The following ZBTB20 variants were observed in gnomAD, a reference collection of about 807,000 sequenced individuals.
ZBTB20 encodes the protein zinc finger and BTB domain-containing protein 20.
A neutral mutation model predicts 56.9 loss-of-function variants in ZBTB20; 9 were observed. The ratio of observed to expected loss-of-function variants is 0.16; its 90% CI spans 0.10 to 0.28. ZBTB20 has a LOEUF of 0.28. Among genes scored for constraint, ZBTB20 ranks in the 10% least tolerant of loss-of-function variants. ZBTB20 has a pLI of 1.00. For missense variants in ZBTB20, 655 were observed against 1,003.0 expected (o/e 0.65, Z 4.69); for synonymous variants, 417 against 420.7 (o/e 0.99, Z 0.11).
chr3:114,565,826 C>T (rs1202534850), intron 6 of ZBTB20, among the ~76,000 whole-genome samples: 1 of 152,072 alleles, frequency 6.6e-6, no homozygotes, highest in Non-Finnish European at 1.5e-5. Flanking sequence ...TCTTAGTTCT[C>T]ATATCCAGTA....
Position 114,332,840 on chromosome 3 carries a change from C to T in ZBTB20, c.*6165G>A, listed in dbSNP as rs2108051411. 6.6e-6 allele frequency: 1 copy of T among 152,330 alleles called. No homozygotes were observed. The highest frequency in any genetic ancestry group is 1.9e-4 in the East Asian group (1 of 5,190). 9.4% of individuals were successfully genotyped at this position (152,330 alleles called of 1,614,324 possible). A position where few individuals can be genotyped will look rare whatever the true frequency, so the allele number is the denominator to read the frequency against. On this transcript the variant is annotated 3_prime_UTR_variant, in exon 12 of 12. Transcript: ENST00000675478. ...AGGTGGAGCCTAAAGAAACCACTGG[C>T]AGGTGTTTTAGTCAGTGGTGTGGAA...
At chr3:114,525,163 T>C (rs2047075324) in intron 6 of ZBTB20, among the ~76,000 whole-genome samples, 1 of 151,748 alleles carries the variant, frequency 6.6e-6, no homozygotes, top group African/African-American at 2.4e-5. Context: ...CTTTTTTTGT[T>C]GGGGGGGGTG....
intron 1 of ZBTB20, among the ~76,000 whole-genome samples, chr3:115,113,921 T>G (rs908888538): frequency 2.0e-4 from 31 of 152,104 alleles, no homozygotes; most frequent in Admixed American, 1.3e-4. Flanking sequence ...TGGATTGAAG[T>G]TCCTCTTTTC....
intron 3 of ZBTB20, chr3:114,931,275 A>G (rs2107805386): frequency 5.2e-6 from 1 of 193,842 alleles, no homozygotes; most frequent in Non-Finnish European, 1.1e-5. Context: ...ACGGCAGTGA[A>G]GAGAGTAAAG....
intron 2 of ZBTB20, among the ~76,000 whole-genome samples, chr3:115,014,664 T>C (rs1479466134): frequency 3.3e-5 from 5 of 151,894 alleles, no homozygotes; most frequent in Non-Finnish European, 7.4e-5. Context: ...GATGTAGCGA[T>C]GAACCAAAAA....
intron 1 of ZBTB20, among the ~76,000 whole-genome samples, chr3:115,126,618 G>A (rs1297809797): frequency 1.3e-5 from 2 of 152,078 alleles, no homozygotes; most frequent in East Asian, 1.9e-4. Flanking sequence ...AATACAGCAG[G>A]CTATTAATGA....
chr3:114,625,768 A>G (rs2058625769), intron 6 of ZBTB20, among the ~76,000 whole-genome samples: 1 of 152,178 alleles, frequency 6.6e-6, no homozygotes, highest in Non-Finnish European at 1.5e-5. Context: ...AGGACTTCAA[A>G]CACTTCTCCC....
intron 1 of ZBTB20, among the ~76,000 whole-genome samples, chr3:115,107,673 A>T (rs2083761719): frequency 6.6e-6 from 1 of 152,224 alleles, no homozygotes; most frequent in African/African-American, 2.4e-5. Context: ...AAATCATTCT[A>T]CTATAAAGAT....
chr3:115,144,100 G>T (rs1232942003), intron 1 of ZBTB20, among the ~76,000 whole-genome samples: 1 of 152,140 alleles, frequency 6.6e-6, no homozygotes, highest in East Asian at 1.9e-4. Flanking sequence ...AGAAAAATAT[G>T]ATTATTTCAG....
chr3:114,709,317 C>T (rs530854232), intron 5 of ZBTB20, among the ~76,000 whole-genome samples: 44 of 152,224 alleles, frequency 2.9e-4, no homozygotes, highest in South Asian at 2.1e-3. Flanking sequence ...CTCACCCCTA[C>T]ACCCACAATT....
At chr3:114,922,827 TCAAGACA>T (rs1266089407) in intron 3 of ZBTB20, among the ~76,000 whole-genome samples, 22 of 196 alleles carry the variant, frequency 0.11, no homozygotes, top group African/African-American at 0.17. Flanking sequence ...ACTCAATACA[TCAAGACA>T]TCAAGAAGGA....
intron 5 of ZBTB20, among the ~76,000 whole-genome samples, chr3:114,780,259 T>C (rs890158783): frequency 2.6e-5 from 4 of 152,150 alleles, no homozygotes; most frequent in Non-Finnish European, 4.4e-5. Flanking sequence ...AGAAACAATA[T>C]GTGAGTGTTT....
chr3:115,127,011 T>C (rs2084351359), intron 1 of ZBTB20, among the ~76,000 whole-genome samples: 1 of 152,214 alleles, frequency 6.6e-6, no homozygotes, highest in African/African-American at 2.4e-5. Context: ...TTCTCACACT[T>C]TCTGTACATA....
At chr3:115,067,543 T>TAAAA (rs77914966) in intron 2 of ZBTB20, among the ~76,000 whole-genome samples, 1 of 131,180 alleles carries the variant, frequency 7.6e-6, no homozygotes. Flanking sequence ...GAAAAATCAG[T>TAAAA]AAAAAAAAAA....
chr3:115,093,389 T>G (rs7614732), intron 1 of ZBTB20, among the ~76,000 whole-genome samples: 51,236 of 152,060 alleles, frequency 0.34, 11,025 homozygotes, highest in Non-Finnish European at 0.5. Flanking sequence ...AGGAATTACA[T>G]TCATCCAACA....
chr3:114,865,711 T>C (rs2075738326), intron 4 of ZBTB20, among the ~76,000 whole-genome samples: 7 of 152,180 alleles, frequency 4.6e-5, no homozygotes, highest in African/African-American at 7.2e-5. Context: ...ATTTCATAAA[T>C]CTTACTTACC....
At chr3:114,706,867 A>G (rs557879409) in intron 5 of ZBTB20, among the ~76,000 whole-genome samples, 2 of 152,194 alleles carry the variant, frequency 1.3e-5, no homozygotes, top group East Asian at 3.9e-4. Context: ...AAATGACGAG[A>G]GTAGTTTAAT....
intron 4 of ZBTB20, among the ~76,000 whole-genome samples, chr3:114,893,009 C>T (rs2076880851): frequency 6.6e-6 from 1 of 152,124 alleles, no homozygotes; most frequent in Non-Finnish European, 1.5e-5. Context: ...TTGAAACAGC[C>T]CAATTTTGTG....
At chr3:115,123,446 G>A (rs914555664) in intron 1 of ZBTB20, among the ~76,000 whole-genome samples, 4 of 152,132 alleles carry the variant, frequency 2.6e-5, no homozygotes, top group African/African-American at 9.7e-5. Context: ...AAAGAAGTAA[G>A]CATTCTAGAA....
Sources: gnomAD v4.1 joint callset for allele counts (sites outside exome capture counted in the v4.1 genomes callset) on GRCh38, gnomAD v4.1.1 for gene constraint, MANE v1.5 for transcripts, NCBI Gene and HGNC (gene_info 2026-07-23, HGNC 2026-07-21) for gene names.